Variants in CLRN1 observed in about 807,000 individuals in gnomAD.
CLRN1 encodes the protein clarin-1.
A neutral mutation model predicts 18.7 loss-of-function variants in CLRN1; 15 were observed. The observed-to-expected ratio is 0.80, with a 90% CI of 0.54 to 1.23. The LOEUF (loss-of-function observed/expected upper bound fraction) is 1.23, where lower values mean the gene tolerates loss of function less well. Among genes scored for constraint, CLRN1 ranks in the 50% most tolerant of loss-of-function variants. The pLI is 0.00. For missense variants in CLRN1, 311 were observed against 277.5 expected, an observed-to-expected ratio of 1.12 and a Z score of -0.86; for synonymous variants, 104 against 102.9, an observed-to-expected ratio of 1.01 and a Z score of -0.07.
chr3:150,940,034 G>A (rs926114229), intron 2 of CLRN1, among the ~76,000 whole-genome samples: 1 of 152,140 alleles, frequency 6.6e-6, no homozygotes. Flanking sequence ...AACCTGTTCT[G>A]TCTAAGTGAC....
At chr3:150,941,929 G>C (rs1001869628) in intron 1 of CLRN1, among the ~76,000 whole-genome samples, 168 bp from the exon 2 acceptor site, 2 of 152,188 alleles carry the variant, frequency 1.3e-5, no homozygotes, top group African/African-American at 4.8e-5. Context: ...AAGGTTTAAA[G>C]ATAGGATCAT....
In CLRN1 at chr3:150,927,795, T is replaced by A; in HGVS notation, c.*141A>T. 2 of 1,066,014 alleles carry A rather than the reference T, an allele frequency of 1.9e-6. No homozygotes were observed. Among genetic ancestry groups the A allele is most frequent in the Non-Finnish European group, 2.8e-6 (2 of 703,422 alleles). The allele number at this position is 1,066,014 out of a possible 1,614,324, so 66.0% of individuals were successfully genotyped here. On this transcript the variant is annotated 3_prime_UTR_variant, in exon 3 of 3. Transcript: ENST00000327047. Reference sequence around the variant, plus strand: ...TCCCTTACTTTCCAGCCTGTATCCTTAGTACGTAATTTGTAAACATTGTCA... The same window carrying A: ...TCCCTTACTTTCCAGCCTGTATCCTAAGTACGTAATTTGTAAACATTGTCA...
chr3:150,958,604 C>T (rs1488161655), intron 1 of CLRN1, among the ~76,000 whole-genome samples: 1 of 152,242 alleles, frequency 6.6e-6, no homozygotes, highest in Non-Finnish European at 1.5e-5. Flanking sequence ...TTTGCTTATG[C>T]TGTTCATTTA....
At position 150,928,211 on chromosome 3, in the gene CLRN1, A is replaced by C; in HGVS notation, c.434-10T>G. The C allele has an allele frequency of 6.2e-7, 1 of 1,613,910 alleles. No individual in the cohort carries two copies. The highest frequency in any genetic ancestry group is 8.5e-7 in the Non-Finnish European group (1 of 1,179,974). On this transcript the variant is annotated splice_polypyrimidine_tract_variant and intron_variant, in intron 2 of 2. Transcript: ENST00000327047. ...AGACAGCCACAGGAGCCTGCAACAG[A>C]AGAAACAAGGTGTTGGGACAAATAT...
intron 1 of CLRN1, 82 bp from the exon 2 acceptor site, chr3:150,941,843 T>G: frequency 8.0e-7 from 1 of 1,244,892 alleles, no homozygotes; most frequent in Non-Finnish European, 1.2e-6. Flanking sequence ...CAAATCTCTC[T>G]TTTTTAATTT....
chr3:150,926,478 C>CAAA (rs11366223), downstream of CLRN1: 573 of 330,456 alleles, frequency 1.7e-3, 3 homozygotes, highest in African/African-American at 0.011. Flanking sequence ...AGCCTGTTAC[C>CAAA]AAAAAAAAAA....
At chr3:150,971,022 G>C (rs1192099822) in intron 1 of CLRN1, among the ~76,000 whole-genome samples, 2 of 152,180 alleles carry the variant, frequency 1.3e-5, no homozygotes, top group Admixed American at 6.5e-5. Flanking sequence ...TGTAGAAAAT[G>C]TAAAGGCTCC....
At chr3:150,961,708 G>A (rs902690146) in intron 1 of CLRN1, among the ~76,000 whole-genome samples, 1 of 152,168 alleles carries the variant, frequency 6.6e-6, no homozygotes, top group African/African-American at 2.4e-5. Flanking sequence ...TCTTGAAAGA[G>A]AATAAGAGGG....
intron 2 of CLRN1, among the ~76,000 whole-genome samples, chr3:150,933,571 G>A (rs1352384805): frequency 6.6e-6 from 1 of 152,132 alleles, no homozygotes; most frequent in Non-Finnish European, 1.5e-5. Context: ...GAGGTGAGCT[G>A]TCTGTGTGTG....
At position 150,927,020 on chromosome 3, in the gene CLRN1, C is replaced by A; in HGVS notation, c.*916G>T. The A allele has an allele frequency of 7.1e-7, 1 of 1,409,538 alleles. No homozygotes were observed. Among genetic ancestry groups the A allele is most frequent in the Non-Finnish European group, 9.8e-7 (1 of 1,022,912 alleles). The allele number at this position is 1,409,538 out of a possible 1,614,324, so 87.3% of individuals were successfully genotyped here. A position where few individuals can be genotyped will look rare whatever the true frequency, so the allele number is the denominator to read the frequency against. On this transcript the variant is annotated 3_prime_UTR_variant, in exon 3 of 3. Transcript: ENST00000327047. The stretch of plus-strand genomic sequence containing the variant: ...ATTTTCATAATTGCATATTAGTACT[C>A]GAGACACTATAGCTAGAAAAACAGC...
intron 1 of CLRN1, among the ~76,000 whole-genome samples, chr3:150,949,797 C>G (rs753971637): frequency 8.6e-5 from 13 of 152,022 alleles, no homozygotes; most frequent in Non-Finnish European, 1.8e-4. Flanking sequence ...CTTCACATAA[C>G]TAGAAAAAAA....
intron 1 of CLRN1, among the ~76,000 whole-genome samples, chr3:150,960,887 G>T (rs1249386696): frequency 6.6e-6 from 1 of 152,220 alleles, no homozygotes; most frequent in African/African-American, 2.4e-5. Context: ...ACAGCTGAAG[G>T]CCTCCCTGCC....
At chr3:150,957,260 C>CAA (rs1408529700) in intron 1 of CLRN1, among the ~76,000 whole-genome samples, 1 of 151,918 alleles carries the variant, frequency 6.6e-6, no homozygotes, top group African/African-American at 2.4e-5. Context: ...CACACACACA[C>CAA]ACACACACAC....
At chr3:150,946,419 A>G (rs1236409605) in intron 1 of CLRN1, among the ~76,000 whole-genome samples, 1 of 152,174 alleles carries the variant, frequency 6.6e-6, no homozygotes, top group Non-Finnish European at 1.5e-5. Flanking sequence ...GTGTCTAGGC[A>G]GAGACTATTT....
intron 2 of CLRN1, among the ~76,000 whole-genome samples, chr3:150,929,456 T>C (rs1441910972): frequency 1.3e-5 from 2 of 152,246 alleles, no homozygotes; most frequent in Non-Finnish European, 2.9e-5. Context: ...GGAGACTTGC[T>C]GGGATGGTTT....
In CLRN1 at chr3:150,928,183, A is replaced by G. The variant is rs763621593; in HGVS notation, c.452T>C (p.Val151Ala). 6.2e-7 allele frequency: 1 copy of G among 1,613,968 alleles called. No individual in the cohort carries two copies. Among genetic ancestry groups the G allele is most frequent in the African/African-American group, 1.3e-5 (1 of 74,924 alleles). ...SFISGSCGCLVMILFASEVKI... is the reference protein window; with the variant it reads ...SFISGSCGCLAMILFASEVKI... ...CACTTCAGAGGCAAACAATATCATG[A>G]CAAGACAGCCACAGGAGCCTGCAAC... Residue 151 changes from valine to alanine, a missense_variant, in exon 3 of 3, where the codon GTC (valine) becomes GCC (alanine). By Grantham distance (64) the Val-to-Ala change is moderately conservative (BLOSUM62 0). Coordinates refer to ENST00000327047, the MANE Select transcript of CLRN1 (RefSeq NM_174878.3).
rs368214309 is a variant in CLRN1 at position 150,926,796 on chromosome 3, C to G, written c.*1140G>C. ...GTTTGCTGTCATTCTCTGCTTTTTC[C>G]TTGGTGCTTTCTGGAGGACAGCAGG... On this transcript the variant is annotated 3_prime_UTR_variant, in exon 3 of 3. Transcript: ENST00000327047. 6.8e-6 allele frequency: 11 copies of G among 1,613,786 alleles called. No homozygotes were observed. Among genetic ancestry groups the G allele is most frequent in the Non-Finnish European group, 9.3e-6 (11 of 1,179,974 alleles).
chr3:150,944,724 C>T (rs73155706), intron 1 of CLRN1, among the ~76,000 whole-genome samples: 33,887 of 150,398 alleles, frequency 0.23, 4,191 homozygotes, highest in East Asian at 0.4. Context: ...CACTGCACTC[C>T]AGCCTGGGCA....
At chr3:150,943,524 C>T (rs1391573058) in intron 1 of CLRN1, among the ~76,000 whole-genome samples, 1 of 152,190 alleles carries the variant, frequency 6.6e-6, no homozygotes, top group African/African-American at 2.4e-5. Context: ...CCCTTTTCAG[C>T]TTCTCTCTCT....
Sources: allele counts gnomAD v4.1 joint callset (sites outside exome capture counted in the v4.1 genomes callset), GRCh38; gene constraint gnomAD v4.1.1; transcripts MANE v1.5; gene names NCBI Gene and HGNC (gene_info 2026-07-23, HGNC 2026-07-21).